The following SLC25A12 variants were observed in gnomAD, a reference collection of about 807,000 sequenced individuals.
SLC25A12 encodes the protein electrogenic aspartate/glutamate antiporter SLC25A12, mitochondrial.
SLC25A12 carries 32 observed loss-of-function variants against 83.3 expected under a neutral mutation model. The ratio of observed to expected loss-of-function variants is 0.38; its 90% CI spans 0.29 to 0.52. The LOEUF is 0.52. Among genes scored for constraint, SLC25A12 ranks in the 20% least tolerant of loss-of-function variants. The pLI is 0.84. For missense variants in SLC25A12, 611 were observed against 835.6 expected (o/e 0.73, Z 3.31); for synonymous variants, 267 against 291.1 (o/e 0.92, Z 0.84).
At chr2:171,855,810 C>T (rs1471336182) in intron 4 of SLC25A12, 24 bp downstream of exon 4, 7 of 1,314,612 alleles carry the variant, frequency 5.3e-6, no homozygotes, top group East Asian at 2.3e-5. Context: ...TAACTTATCA[C>T]TTATAATCTT....
chr2:171,881,478 GA>G (rs954596493), intron 2 of SLC25A12, among the ~76,000 whole-genome samples: 24 of 152,086 alleles, frequency 1.6e-4, no homozygotes, highest in African/African-American at 5.1e-4. Context: ...AATGTATGGG[GA>G]AAGATCAGAA....
At chr2:171,812,154 A>C (rs1683958913) in intron 11 of SLC25A12, among the ~76,000 whole-genome samples, 1 of 152,196 alleles carries the variant, frequency 6.6e-6, no homozygotes, top group South Asian at 2.1e-4. Flanking sequence ...AGGGTACTTG[A>C]GCCTAGTTTG....
At chr2:171,827,979 C>T (rs150340929) in intron 8 of SLC25A12, among the ~76,000 whole-genome samples, 156 of 152,290 alleles carry the variant, frequency 1.0e-3, no homozygotes, top group Middle Eastern at 3.4e-3. Flanking sequence ...TTTTCCAACA[C>T]GGGACCCTCC....
intron 3 of SLC25A12, among the ~76,000 whole-genome samples, chr2:171,865,222 G>A (rs1233120372): frequency 6.6e-6 from 1 of 152,002 alleles, no homozygotes; most frequent in East Asian, 1.9e-4. Context: ...GTTCTGCTCA[G>A]ATTATTCAAC....
chr2:171,870,847 T>C (rs1321327995), intron 2 of SLC25A12, among the ~76,000 whole-genome samples: 3 of 152,236 alleles, frequency 2.0e-5, no homozygotes, highest in Non-Finnish European at 4.4e-5. Flanking sequence ...GTTTGCTTTC[T>C]AGTCAAGTGT....
Position 171,872,454 on chromosome 2 carries a change from A to G in SLC25A12, c.67-3631T>C, listed in dbSNP as rs181400201. Among the ~76,000 whole-genome samples, 52 of 152,332 alleles carry G rather than the reference A, an allele frequency of 3.4e-4. No individual in the cohort carries two copies. The South Asian group carries it at 6.8e-3, about 20-fold the overall frequency. On this transcript the variant is annotated intron_variant, in intron 2 of 17. Transcript: ENST00000422440. ...GATCACAAAACCACTAGAGTTAAGA[A>G]TAGGCAGGAGTGAGGAAAGGCACAA...
At chr2:171,791,619 C>A (rs370500524) in intron 14 of SLC25A12, 30 bp from the exon 15 acceptor site, 2 of 1,610,044 alleles carry the variant, frequency 1.2e-6, no homozygotes, top group African/African-American at 2.7e-5. Flanking sequence ...TAGTGCAAAA[C>A]AGTGTGAAAC....
chr2:171,875,910 C>CAAAA (rs34276775), intron 2 of SLC25A12, among the ~76,000 whole-genome samples: 1,512 of 98,438 alleles, frequency 0.015, 46 homozygotes, highest in African/African-American at 0.035. Context: ...GACTCTGTCT[C>CAAAA]AAAAAAAAAA....
At chr2:171,831,650 A>G (rs1183208194) in intron 8 of SLC25A12, among the ~76,000 whole-genome samples, 1 of 152,172 alleles carries the variant, frequency 6.6e-6, no homozygotes, top group Non-Finnish European at 1.5e-5. Flanking sequence ...TCACGCCTGT[A>G]ATCCCAGCAC....
At chr2:171,857,026 T>C (rs747223239) in intron 3 of SLC25A12, among the ~76,000 whole-genome samples, 4 of 152,226 alleles carry the variant, frequency 2.6e-5, no homozygotes, top group Non-Finnish European at 4.4e-5. Flanking sequence ...GATGAATTCA[T>C]AGAATTTACA....
intron 17 of SLC25A12, 58 bp downstream of exon 17, chr2:171,787,513 C>G: frequency 7.5e-7 from 1 of 1,327,286 alleles, no homozygotes; most frequent in Admixed American, 1.7e-5. Context: ...GTAGACAGAA[C>G]AAACATTTGT....
chr2:171,789,375 C>CAT (rs1690552447), intron 15 of SLC25A12, among the ~76,000 whole-genome samples: 1 of 151,982 alleles, frequency 6.6e-6, no homozygotes, highest in Non-Finnish European at 1.5e-5. Flanking sequence ...ACTACAGAAG[C>CAT]CCGCCACCAC....
chr2:171,787,655 A>G lies in SLC25A12; in HGVS notation c.1751T>C (p.Val584Ala). Reference sequence around the variant, plus strand: ...ACCAAACTGGGGAGAGGATCGAAACACTCGAGCTGAAAAAGAGAAGCAGGG... The same window carrying G: ...ACCAAACTGGGGAGAGGATCGAAACGCTCGAGCTGAAAAAGAGAAGCAGGG... ...SAFWKGTAAR[V>A]FRSSPQFGVT... The change falls in exon 17 of 18, where the codon GTG becomes GCG. Residue 584 changes from valine (V) to alanine (A), a missense_variant. By Grantham distance (64) the Val-to-Ala change is moderately conservative. Around this residue, in one of 3 missense-constraint regions of SLC25A12, gnomAD observed 540 missense variants for 777.5 expected, o/e 0.69. Transcript: ENST00000422440. The G allele has an allele frequency of 6.2e-7, 1 of 1,613,986 alleles. No individual in the cohort carries two copies. Among genetic ancestry groups the G allele is most frequent in the Non-Finnish European group, 8.5e-7 (1 of 1,179,896 alleles).
chr2:171,826,481 G>A (rs1165079793), intron 9 of SLC25A12, among the ~76,000 whole-genome samples: 2 of 152,012 alleles, frequency 1.3e-5, no homozygotes, highest in East Asian at 1.9e-4. Flanking sequence ...GGTGGTGCAC[G>A]CCTGTAATCC....
intron 13 of SLC25A12, among the ~76,000 whole-genome samples, chr2:171,800,428 A>G (rs1683687868): frequency 6.6e-6 from 1 of 152,128 alleles, no homozygotes; most frequent in South Asian, 2.1e-4. Flanking sequence ...AAACCACAAT[A>G]AGATACTATT....
At chr2:171,795,206 ATC>A (rs912787889) in intron 13 of SLC25A12, among the ~76,000 whole-genome samples, 1 of 151,834 alleles carries the variant, frequency 6.6e-6, no homozygotes, top group African/African-American at 2.4e-5. Context: ...GCAATTTGCT[ATC>A]TCTCTCTCAT....
intron 3 of SLC25A12, among the ~76,000 whole-genome samples, chr2:171,867,088 A>G (rs1438392123): frequency 4.0e-5 from 6 of 150,842 alleles, no homozygotes; most frequent in African/African-American, 9.8e-5. Flanking sequence ...GGCCGGGCAG[A>G]GACGCTCCTC....
At chr2:171,801,035 T>G (rs779769026) in intron 13 of SLC25A12, among the ~76,000 whole-genome samples, 14 of 152,202 alleles carry the variant, frequency 9.2e-5, no homozygotes, top group Non-Finnish European at 1.8e-4. Context: ...TGTATACAAC[T>G]GTCAAAACTC....
intron 3 of SLC25A12, among the ~76,000 whole-genome samples, chr2:171,867,619 A>AGGGAGAGGGAGACCGTG (rs1685363538): frequency 6.6e-6 from 1 of 152,088 alleles, no homozygotes; most frequent in Non-Finnish European, 1.5e-5. Context: ...ATGGAAAGAG[A>AGGGAGAGGGAGACCGTG]GGGAGAGGGA....
Sources: allele counts gnomAD v4.1 joint callset (sites outside exome capture counted in the v4.1 genomes callset), GRCh38; gene constraint gnomAD v4.1.1; regional missense constraint gnomAD v4.1.1; transcripts MANE v1.5; gene names NCBI Gene and HGNC (gene_info 2026-07-23, HGNC 2026-07-21).